Variants in SUCLG2 observed in about 807,000 individuals in gnomAD.
The protein encoded by SUCLG2 is succinate-CoA ligase GDP-forming subunit beta.
SUCLG2 carries 42 observed loss-of-function variants against 47.9 expected under a neutral mutation model. The ratio of observed to expected loss-of-function variants is 0.88; its 90% CI spans 0.69 to 1.14. The LOEUF (loss-of-function observed/expected upper bound fraction) is 1.14. SUCLG2 is among the 50% of genes most tolerant of loss of function. The probability of loss-of-function intolerance (pLI) is 0.00; values close to 1 mark genes in which losing one functional copy is unlikely to be tolerated. For synonymous variants in SUCLG2, 195 were observed against 197.3 expected, an observed-to-expected ratio of 0.99 and a Z score of 0.10; for missense variants, 571 against 525.9, an observed-to-expected ratio of 1.09 and a Z score of -0.84.
At chr3:67,432,830 G>A (rs1378973423) in intron 9 of SUCLG2, among the ~76,000 whole-genome samples, 4 of 152,144 alleles carry the variant, frequency 2.6e-5, no homozygotes, top group Non-Finnish European at 5.9e-5. Flanking sequence ...ATTTGCTGAA[G>A]GACGAAATGG....
At chr3:67,415,494 G>A (rs565964701) in intron 9 of SUCLG2, among the ~76,000 whole-genome samples, 14 of 152,218 alleles carry the variant, frequency 9.2e-5, no homozygotes, top group Non-Finnish European at 1.6e-4. Flanking sequence ...TTTACAGATG[G>A]CATACAGTAT....
intron 2 of SUCLG2, among the ~76,000 whole-genome samples, chr3:67,553,844 T>A (rs1288646221): frequency 6.6e-6 from 1 of 152,218 alleles, no homozygotes; most frequent in Non-Finnish European, 1.5e-5. Context: ...ATATCTACTT[T>A]GTCAGTTACT....
rs1163354157 is a variant in SUCLG2, at chr3:67,387,842, G to A, written c.1184-11983C>T. ...ATGTACTTCCAAGGTTTATGCCTGT[G>A]GTTTTTTAATTAGTTAATTAGTATA... On this transcript the variant is annotated intron_variant, in intron 10 of 10. Coordinates refer to ENST00000307227, the MANE Select transcript of SUCLG2 (RefSeq NM_003848.4). Among the ~76,000 whole-genome samples the A allele has an allele frequency of 2.0e-5, 3 of 151,904 alleles. No homozygotes were observed. In the East Asian group the frequency reaches 5.8e-4, roughly 29 times the overall value.
intron 9 of SUCLG2, among the ~76,000 whole-genome samples, chr3:67,446,526 G>A (rs1476154150): frequency 1.2e-4 from 17 of 141,646 alleles, no homozygotes; most frequent in African/African-American, 4.4e-4. Context: ...CACCTCCCGG[G>A]TTCAGGGATT....
At chr3:67,411,950 C>T (rs1318577416) in intron 9 of SUCLG2, among the ~76,000 whole-genome samples, 1 of 152,124 alleles carries the variant, frequency 6.6e-6, no homozygotes, top group African/African-American at 2.4e-5. Context: ...TCTGAAATCC[C>T]TGGGCAGGGC....
intron 2 of SUCLG2, among the ~76,000 whole-genome samples, chr3:67,559,539 C>G (rs1343021323): frequency 6.6e-6 from 1 of 152,148 alleles, no homozygotes; most frequent in African/African-American, 2.4e-5. Context: ...CCGCCATGAT[C>G]CAATCACCTC....
intron 1 of SUCLG2, among the ~76,000 whole-genome samples, chr3:67,622,566 T>C (rs1365300744): frequency 2.0e-5 from 3 of 152,220 alleles, no homozygotes; most frequent in Non-Finnish European, 2.9e-5. Context: ...TTAATCTCTA[T>C]ACGCTGTTTT....
chr3:67,396,974 C>G (rs1346814630), intron 10 of SUCLG2, among the ~76,000 whole-genome samples: 35 of 150,972 alleles, frequency 2.3e-4, no homozygotes, highest in Middle Eastern at 3.2e-3. Flanking sequence ...ATTCAACAAC[C>G]CTTCATGCTA....
chr3:67,640,351 A>G (rs1166729145), intron 1 of SUCLG2, among the ~76,000 whole-genome samples: 1 of 152,252 alleles, frequency 6.6e-6, no homozygotes, highest in African/African-American at 2.4e-5. Context: ...TGTACAATGA[A>G]TGTTAAACAG....
chr3:67,524,131 A>C (rs2107136946), intron 4 of SUCLG2, among the ~76,000 whole-genome samples: 1 of 152,304 alleles, frequency 6.6e-6, no homozygotes, highest in Middle Eastern at 3.4e-3. Context: ...AGGATGACAG[A>C]GTATATTAGG....
chr3:67,425,893 A>G (rs547285313), intron 9 of SUCLG2, among the ~76,000 whole-genome samples: 12 of 152,244 alleles, frequency 7.9e-5, no homozygotes, highest in Non-Finnish European at 1.5e-4. Flanking sequence ...CAAAAATAAA[A>G]TTTAGCCTCA....
chr3:67,465,463 C>T (rs543133125), intron 9 of SUCLG2, among the ~76,000 whole-genome samples: 13 of 152,318 alleles, frequency 8.5e-5, no homozygotes, highest in African/African-American at 2.6e-4. Flanking sequence ...ACTCAAATGT[C>T]ACCTCCTCAG....
intron 2 of SUCLG2, among the ~76,000 whole-genome samples, chr3:67,553,453 A>C (rs552859210): frequency 1.3e-5 from 2 of 152,268 alleles, no homozygotes; most frequent in Non-Finnish European, 2.9e-5. Flanking sequence ...GCTGAAAATT[A>C]TAAGTTTAAA....
At chr3:67,538,219 T>C (rs1706599895) in intron 2 of SUCLG2, among the ~76,000 whole-genome samples, 1 of 152,208 alleles carries the variant, frequency 6.6e-6, no homozygotes, top group African/African-American at 2.4e-5. Context: ...TGTTTAAGTC[T>C]TTACTCCATC....
At chr3:67,563,112 T>A (rs946814087) in intron 2 of SUCLG2, among the ~76,000 whole-genome samples, 1 of 149,524 alleles carries the variant, frequency 6.7e-6, no homozygotes, top group Non-Finnish European at 1.5e-5. Flanking sequence ...ATATAATACA[T>A]ATATACATAA....
At chr3:67,441,839 T>C (rs919775640) in intron 9 of SUCLG2, among the ~76,000 whole-genome samples, 1 of 151,998 alleles carries the variant, frequency 6.6e-6, no homozygotes, top group African/African-American at 2.4e-5. Context: ...AAAAGAGAAA[T>C]AAAAGGGCAA....
At chr3:67,544,447 TTCTC>T (rs1240111714) in intron 2 of SUCLG2, among the ~76,000 whole-genome samples, 2 of 152,122 alleles carry the variant, frequency 1.3e-5, no homozygotes, top group Non-Finnish European at 2.9e-5. Flanking sequence ...TTCACTCTCT[TTCTC>T]TCCTCCCAGC....
chr3:67,634,785 T>G (rs1413101575), intron 1 of SUCLG2, among the ~76,000 whole-genome samples: 1 of 152,220 alleles, frequency 6.6e-6, no homozygotes, highest in Non-Finnish European at 1.5e-5. Flanking sequence ...CATATTTATC[T>G]TCCTCAGGAA....
chr3:67,430,278 A>T (rs1335370191), intron 9 of SUCLG2, among the ~76,000 whole-genome samples: 3 of 152,210 alleles, frequency 2.0e-5, no homozygotes, highest in African/African-American at 7.2e-5. Flanking sequence ...ATCAAACTAG[A>T]ACTCAGGATT....
Sources: gnomAD v4.1 joint callset for allele counts (sites outside exome capture counted in the v4.1 genomes callset) on GRCh38, gnomAD v4.1.1 for gene constraint, MANE v1.5 for transcripts, NCBI Gene and HGNC (gene_info 2026-07-23, HGNC 2026-07-21) for gene names.